AOAH: variants seen among roughly 807,000 people sequenced by gnomAD.
AOAH encodes the protein acyloxyacyl hydrolase (neutrophil).
A neutral mutation model predicts 92.2 loss-of-function variants in AOAH; 64 were observed. The observed-to-expected ratio is 0.69, with a 90% CI of 0.57 to 0.86. The LOEUF (loss-of-function observed/expected upper bound fraction) is 0.86. AOAH is among the 40% of genes least tolerant of loss of function. AOAH has a pLI of 0.00. For synonymous variants in AOAH, 263 were observed against 254.5 expected (o/e 1.03, Z -0.32); for missense variants, 656 against 694.6 (o/e 0.94, Z 0.62).
At chr7:36,652,464 G>A (rs549526384) in intron 4 of AOAH, among the ~76,000 whole-genome samples, 1 of 151,360 alleles carries the variant, frequency 6.6e-6, no homozygotes, top group Non-Finnish European at 1.5e-5. Flanking sequence ...TGGGAGCAGG[G>A]GCTTGGTCCT....
intron 20 of AOAH, among the ~76,000 whole-genome samples, chr7:36,518,432 C>T (rs988446431): frequency 8.5e-5 from 13 of 152,140 alleles, no homozygotes; most frequent in Non-Finnish European, 1.9e-4. Context: ...CAGATGGATG[C>T]AAGCTAATTC....
At chr7:36,657,551 T>C (rs796860783) in intron 4 of AOAH, among the ~76,000 whole-genome samples, 34 of 152,218 alleles carry the variant, frequency 2.2e-4, no homozygotes, top group African/African-American at 8.2e-4. Flanking sequence ...TTCTGGGTCA[T>C]CTGCAGAGAT....
chr7:36,634,246 C>T (rs1250240672), intron 5 of AOAH, among the ~76,000 whole-genome samples: 2 of 152,132 alleles, frequency 1.3e-5, no homozygotes, highest in Non-Finnish European at 2.9e-5. Flanking sequence ...AGTAAAACCT[C>T]GAAGGCAGAA....
chr7:36,514,700 C>A, intron 20 of AOAH: 2 of 748,946 alleles, frequency 2.7e-6, no homozygotes, highest in Admixed American at 4.5e-5. Context: ...AATGTGATTG[C>A]TGAAGGCCTG....
rs1467996125 is a variant in AOAH, at chr7:36,623,239, T to A, written c.533A>T (p.Gln178Leu). 2 of 1,613,938 alleles carry A rather than the reference T, an allele frequency of 1.2e-6. No individual in the cohort carries two copies. Among genetic ancestry groups the A allele is most frequent in the East Asian group, 2.2e-5 (1 of 44,890 alleles). Reference protein sequence around the residue: ...ICQKIKLAMEQSVPFKDVDSD... With the variant: ...ICQKIKLAMELSVPFKDVDSD... ...ATCCACATCTTTGAATGGCACAGAC[T>A]GTTCCATAGCTCTAGGAAAAAGAAA... is the stretch of plus-strand genomic sequence containing the variant. The change falls in exon 7 of 21, where the codon CAG (glutamine) becomes CTG (leucine). Residue 178 changes from glutamine to leucine, a missense_variant. Gln to Leu is a moderately radical substitution (Grantham distance 113). Coordinates refer to ENST00000617537, the MANE Select transcript of AOAH (RefSeq NM_001637.4).
intron 7 of AOAH, 137 bp downstream of exon 7, chr7:36,623,053 A>T: frequency 1.2e-6 from 1 of 816,226 alleles, no homozygotes; most frequent in Non-Finnish European, 2.0e-6. Context: ...AAAAGAAAAG[A>T]AATTGTGAAA....
rs1437405832 is a variant in AOAH, at chr7:36,690,115, T to C, written c.128-3321A>G. On this transcript the variant is annotated intron_variant, in intron 1 of 20. Transcript: ENST00000617537. ...TACTTACACATATGGGCTTTTCTTCTGAATTTCACTCAGAGAAATCCCATC... is the reference window on the plus strand; with the variant it reads ...TACTTACACATATGGGCTTTTCTTCCGAATTTCACTCAGAGAAATCCCATC... 4 of 446,922 alleles carry C rather than the reference T, an allele frequency of 9.0e-6. No homozygotes were observed. The East Asian group carries it at 2.1e-4, about 24-fold the overall frequency. The allele number at this position is 446,922 out of a possible 1,614,324, so 27.7% of individuals were successfully genotyped here. A position where few individuals can be genotyped will look rare whatever the true frequency, so the allele number is the denominator to read the frequency against.
chr7:36,602,777 CAGA>C (rs747600267), intron 11 of AOAH, among the ~76,000 whole-genome samples: 10 of 152,050 alleles, frequency 6.6e-5, no homozygotes, highest in Non-Finnish European at 1.5e-4. Flanking sequence ...AATTTGATAC[CAGA>C]AGAAGTCCAA....
At position 36,516,227 on chromosome 7, in the gene AOAH, CCACACACACCT is replaced by C. The variant is rs1664183808; in HGVS notation, c.1600-2858_1600-2848del. ...TACACACACACATCCTACACACACC[CCACACACACCT>C]CACACAGATACCACCACATGCACAC... On this transcript the variant is annotated intron_variant, in intron 20 of 20. Transcript: ENST00000617537. This position sits in a 1 kb window ranked among gnomAD's most constrained non-coding sequence, Gnocchi z 5.0. 2.0e-5 allele frequency among the ~76,000 whole-genome samples: 3 copies of C among 150,730 alleles called. No individual in the cohort carries two copies. Among genetic ancestry groups the C allele is most frequent in the African/African-American group, 4.9e-5 (2 of 41,060 alleles).
intron 19 of AOAH, among the ~76,000 whole-genome samples, chr7:36,526,924 A>G (rs560454256): frequency 6.6e-6 from 1 of 152,348 alleles, no homozygotes; most frequent in South Asian, 2.1e-4. Flanking sequence ...ACCAAGAGCC[A>G]GGTTTATGCC....
At chr7:36,584,018 T>C (rs572139015) in intron 12 of AOAH, among the ~76,000 whole-genome samples, 9 of 152,372 alleles carry the variant, frequency 5.9e-5, no homozygotes, top group Non-Finnish European at 1.3e-4. Flanking sequence ...ACCAGTTTCT[T>C]TGAATTTTTC....
chr7:36,720,803 C>CAGGGTCTT (rs1177166878), intron 1 of AOAH, among the ~76,000 whole-genome samples: 11 of 16,872 alleles, frequency 6.5e-4, no homozygotes, highest in African/African-American at 3.8e-3. Flanking sequence ...TCCCTGCTCT[C>CAGGGTCTT]GCATATTCAG....
intron 15 of AOAH, among the ~76,000 whole-genome samples, chr7:36,543,943 C>CTTTTTTTTTTTT (rs1407764591): frequency 3.6e-5 from 3 of 82,796 alleles, no homozygotes; most frequent in Admixed American, 1.3e-4. Flanking sequence ...TTCTTTCTTT[C>CTTTTTTTTTTTT]TTTCTTTTTT....
chr7:36,595,433 T>A (rs1790032689), intron 11 of AOAH, among the ~76,000 whole-genome samples: 1 of 152,146 alleles, frequency 6.6e-6, no homozygotes, highest in Admixed American at 6.5e-5. Flanking sequence ...CATGGGAGGC[T>A]GAGACAGGAG....
intron 1 of AOAH, among the ~76,000 whole-genome samples, chr7:36,694,149 T>C (rs1020539187): frequency 5.9e-5 from 9 of 152,232 alleles, no homozygotes; most frequent in African/African-American, 2.2e-4. Flanking sequence ...GGGGGGAGTA[T>C]GCAAAAAAAT....
intron 11 of AOAH, among the ~76,000 whole-genome samples, chr7:36,607,323 A>G (rs1439376034): frequency 6.6e-6 from 1 of 152,202 alleles, no homozygotes; most frequent in Non-Finnish European, 1.5e-5. Context: ...TTGCCAGACA[A>G]TACGATCAGG....
chr7:36,710,185 T>A (rs1475930066), intron 1 of AOAH, among the ~76,000 whole-genome samples: 1 of 152,174 alleles, frequency 6.6e-6, no homozygotes, highest in African/African-American at 2.4e-5. Context: ...TTCTGTTACA[T>A]GGCAATGACA....
At chr7:36,547,231 C>T (rs1785869049) in intron 15 of AOAH, among the ~76,000 whole-genome samples, 1 of 152,158 alleles carries the variant, frequency 6.6e-6, no homozygotes, top group African/African-American at 2.4e-5. Context: ...ACCTTGGTGC[C>T]CAGAATGTAG....
At chr7:36,601,161 T>C (rs1476406607) in intron 11 of AOAH, among the ~76,000 whole-genome samples, 2 of 152,170 alleles carry the variant, frequency 1.3e-5, no homozygotes, top group African/African-American at 4.8e-5. Flanking sequence ...GCCTCTGTCA[T>C]CTCAGGCTTA....
Sources: allele counts gnomAD v4.1 joint callset (sites outside exome capture counted in the v4.1 genomes callset), GRCh38; gene constraint gnomAD v4.1.1; non-coding constraint Gnocchi (gnomAD v3.1); transcripts MANE v1.5; gene names NCBI Gene and HGNC (gene_info 2026-07-23, HGNC 2026-07-21).